Variants in PAQR3 observed in about 807,000 individuals in gnomAD.
The protein encoded by PAQR3 is progestin and adipoQ receptor family member 3, also known as Raf kinase trapping to Golgi.
Under a neutral mutation model 41.7 loss-of-function variants are expected in PAQR3, and 39 were observed. The ratio of observed to expected loss-of-function variants is 0.93; its 90% CI spans 0.72 to 1.22. The LOEUF (loss-of-function observed/expected upper bound fraction) is 1.22, where lower values mean the gene tolerates loss of function less well. PAQR3 is among the 50% of genes most tolerant of loss of function. The pLI is 0.00. For synonymous variants in PAQR3, 140 were observed against 140.6 expected (o/e 1.00, Z 0.03); for missense variants, 366 against 385.6 (o/e 0.95, Z 0.42).
chr4:78,926,368 G>T (rs1203025456), intron 4 of PAQR3, among the ~76,000 whole-genome samples, 153 bp downstream of exon 4: 1 of 151,900 alleles, frequency 6.6e-6, no homozygotes, highest in East Asian at 1.9e-4. Context: ...TTATTTATAT[G>T]GCTGTGAAAA....
rs1737749205 is a variant in PAQR3, at chr4:78,939,048, A to T, written c.177T>A (p.Cys59Ter). The change falls in exon 1 of 6, where the codon TGT becomes TGA. Residue 59 changes from cysteine (C) to a stop codon, truncating the protein, a stop_gained. Transcript: ENST00000512733. LOFTEE classifies it high-confidence loss of function. ...GYRAYLPSRL[C>*]IKSLFILSNE... The stretch of plus-strand genomic sequence containing the variant: ...AGGCAGCCAGACCGTACCTTTTGAT[A>T]CACAGCCTGGACGGCAGGTAGGCCC... 3 of 1,603,924 alleles carry T rather than the reference A, an allele frequency of 1.9e-6. No individual in the cohort carries two copies. The highest frequency in any genetic ancestry group is 2.6e-6 in the Non-Finnish European group (3 of 1,172,956).
downstream of PAQR3, chr4:78,911,558 C>T: frequency 6.2e-7 from 1 of 1,614,018 alleles, no homozygotes; most frequent in Non-Finnish European, 8.5e-7. Flanking sequence ...CCAACTAGCA[C>T]AAAGAAGACT....
chr4:78,924,541 C>T (rs1430626769), intron 4 of PAQR3, among the ~76,000 whole-genome samples: 1 of 152,082 alleles, frequency 6.6e-6, no homozygotes, highest in East Asian at 1.9e-4. Context: ...TGCCTGTAAT[C>T]CTACCACTTT....
In PAQR3 at chr4:78,918,418, T is replaced by C; in HGVS notation, c.*2121A>G. 1.0e-6 allele frequency: 1 copy of C among 976,584 alleles called. No homozygotes were observed. Among genetic ancestry groups the C allele is most frequent in the Non-Finnish European group, 1.2e-6 (1 of 821,582 alleles). The allele number at this position is 976,584 out of a possible 1,614,324, so 60.5% of individuals were successfully genotyped here. On this transcript the variant is annotated 3_prime_UTR_variant, in exon 6 of 6. Coordinates refer to ENST00000512733, the MANE Select transcript of PAQR3 (RefSeq NM_001040202.2). ...ACTGACATACAGAAGTGTTTCTAGTTAACAGCAATCCATATTCATTCATTC... is the reference window on the plus strand; with the variant it reads ...ACTGACATACAGAAGTGTTTCTAGTCAACAGCAATCCATATTCATTCATTC...
downstream of PAQR3, chr4:78,910,627 G>T: frequency 6.5e-7 from 1 of 1,540,328 alleles, no homozygotes; most frequent in Non-Finnish European, 8.7e-7. Context: ...TGAAAAGAAA[G>T]CTGAACATTC....
At chr4:78,936,738 T>C (rs2110176706) in intron 1 of PAQR3, among the ~76,000 whole-genome samples, 1 of 152,354 alleles carries the variant, frequency 6.6e-6, no homozygotes, top group Admixed American at 6.5e-5. Flanking sequence ...TACTATGCTC[T>C]GCTTATTACT....
chr4:78,905,389 G>A (rs1240165651), intron 11 of PAQR3, among the ~76,000 whole-genome samples: 1 of 151,788 alleles, frequency 6.6e-6, no homozygotes, highest in East Asian at 1.9e-4. Context: ...ACCATATTTA[G>A]TTAAAGAAAA....
chr4:78,909,653 C>T (rs1327489163), downstream of PAQR3, among the ~76,000 whole-genome samples: 3 of 152,094 alleles, frequency 2.0e-5, no homozygotes, highest in African/African-American at 7.2e-5. Context: ...TGGCTGGGCT[C>T]CTTCTCATTG....
rs1734664400 is a variant in PAQR3 at position 78,912,097 on chromosome 4, T to C, written c.*8442A>G. ...AAAAAGTGTGAACAGTTTTATGAAT[T>C]TGAAAGAAAATTTGGTAGCTCTTTA... On this transcript the variant is annotated 3_prime_UTR_variant, in exon 6 of 6. Coordinates refer to ENST00000512733, the MANE Select transcript of PAQR3 (RefSeq NM_001040202.2). 2 of 1,452,336 alleles carry C rather than the reference T, an allele frequency of 1.4e-6. No homozygotes were observed. The highest frequency in any genetic ancestry group is 1.3e-5 in the South Asian group (1 of 74,568). 90.0% of individuals were successfully genotyped at this position (1,452,336 alleles called of 1,614,324 possible).
intron 3 of PAQR3, 42 bp downstream of exon 3, chr4:78,930,127 AC>A: frequency 6.4e-7 from 1 of 1,554,362 alleles, no homozygotes; most frequent in South Asian, 1.2e-5. Flanking sequence ...AAAACCCAAG[AC>A]CAATATGAAA....
chr4:78,918,766 AT>A lies in PAQR3; in HGVS notation c.*1772del. Reference sequence around the variant, plus strand: ...CACCTAAAATAATGATTTTCCCCTCATTTTTAACTTAAGTGTAACTACTCAG... The same window carrying A: ...CACCTAAAATAATGATTTTCCCCTCATTTTAACTTAAGTGTAACTACTCAG... On this transcript the variant is annotated 3_prime_UTR_variant, in exon 6 of 6. Coordinates refer to ENST00000512733, the MANE Select transcript of PAQR3 (RefSeq NM_001040202.2). 2 of 983,612 alleles carry A rather than the reference AT, an allele frequency of 2.0e-6. No homozygotes were observed. Among genetic ancestry groups the A allele is most frequent in the Non-Finnish European group, 2.4e-6 (2 of 828,426 alleles). The allele number at this position is 983,612 out of a possible 1,614,324, so 60.9% of individuals were successfully genotyped here. A position where few individuals can be genotyped will look rare whatever the true frequency, so the allele number is the denominator to read the frequency against.
At chr4:78,922,365 T>TC in intron 5 of PAQR3, 1 of 1,288,594 alleles carries the variant, frequency 7.8e-7, no homozygotes, top group Non-Finnish European at 1.0e-6. Context: ...CTTTCTTCTT[T>TC]CCCAACACAC....
At position 78,933,095 on chromosome 4, in the gene PAQR3, TAAGA is replaced by T. The variant is rs1737073121; in HGVS notation, c.348+2022_348+2025del. The T allele has an allele frequency of 6.6e-6, 3 of 451,372 alleles. No individual in the cohort carries two copies. In the Admixed American group the frequency reaches 7.1e-5, roughly 11 times the overall value. The allele number at this position is 451,372 out of a possible 1,614,324, so 28.0% of individuals were successfully genotyped here. A position where few individuals can be genotyped will look rare whatever the true frequency, so the allele number is the denominator to read the frequency against. On this transcript the variant is annotated intron_variant, in intron 2 of 5. Coordinates refer to ENST00000512733, the MANE Select transcript of PAQR3 (RefSeq NM_001040202.2). ...TAGTACCTGCAAGTCCAGAAAGTGC[TAAGA>T]AAGTGTGTCTTGCTTCTTTTTTCCT...
downstream of PAQR3, chr4:78,911,174 A>G: frequency 6.2e-7 from 1 of 1,613,852 alleles, no homozygotes; most frequent in South Asian, 1.1e-5. Context: ...CAAGAAAAGA[A>G]TGAAAAGAAC....
At chr4:78,893,958 C>T (rs1406713488) in intron 11 of PAQR3, among the ~76,000 whole-genome samples, 1 of 152,180 alleles carries the variant, frequency 6.6e-6, no homozygotes, top group Non-Finnish European at 1.5e-5. Context: ...TCTTCTTGTA[C>T]TTCTCCATCA....
intron 5 of PAQR3, among the ~76,000 whole-genome samples, chr4:78,920,929 A>C (rs937845023): frequency 4.0e-5 from 6 of 151,856 alleles, no homozygotes; most frequent in Non-Finnish European, 8.8e-5. Flanking sequence ...TCAAAATCTA[A>C]CTTAATTTCA....
At chr4:78,934,997 G>A in intron 2 of PAQR3, 124 bp downstream of exon 2, 3 of 771,944 alleles carry the variant, frequency 3.9e-6, no homozygotes, top group Non-Finnish European at 4.2e-6. Context: ...AAATCAATAA[G>A]CTGACCAACA....
intron 1 of PAQR3, among the ~76,000 whole-genome samples, chr4:78,936,513 AG>A (rs943035603): frequency 3.9e-5 from 6 of 152,302 alleles, no homozygotes; most frequent in Non-Finnish European, 8.8e-5. Flanking sequence ...AACGCTTACT[AG>A]TAAGGATTTC....
At chr4:78,907,836 G>C (rs1734364304), downstream of PAQR3, among the ~76,000 whole-genome samples, 1 of 152,122 alleles carries the variant, frequency 6.6e-6, no homozygotes, top group Admixed American at 6.6e-5. Context: ...TTACTTGGAG[G>C]TGTCCGTGAG....
Sources: allele counts gnomAD v4.1 joint callset (sites outside exome capture counted in the v4.1 genomes callset), GRCh38; gene constraint gnomAD v4.1.1; transcripts MANE v1.5; gene names NCBI Gene and HGNC (gene_info 2026-07-23, HGNC 2026-07-21).